PRORP: variants seen among roughly 807,000 people sequenced by gnomAD.
PRORP encodes the protein mitochondrial ribonuclease P catalytic subunit.
Under a neutral mutation model 59.4 loss-of-function variants are expected in PRORP, and 51 were observed. That is an observed-to-expected ratio of 0.86 (90% CI 0.69 to 1.08). PRORP has a LOEUF of 1.08. PRORP is among the 50% of genes least tolerant of loss of function. The pLI is 0.00. For synonymous variants in PRORP, 231 were observed against 245.6 expected, an observed-to-expected ratio of 0.94 and a Z score of 0.55; for missense variants, 646 against 690.3, an observed-to-expected ratio of 0.94 and a Z score of 0.72.
intron 4 of PRORP, 149 bp from the exon 5 acceptor site, chr14:35,180,521 A>AGTGTGT (rs1422498163): frequency 4.5e-5 from 21 of 467,002 alleles, no homozygotes; most frequent in Middle Eastern, 1.1e-3. Flanking sequence ...TCATTTGTAG[A>AGTGTGT]GTATCTGTGT....
intron 4 of PRORP, among the ~76,000 whole-genome samples, chr14:35,154,096 GT>G (rs1445452068): frequency 6.6e-6 from 1 of 152,164 alleles, no homozygotes; most frequent in Non-Finnish European, 1.5e-5. Flanking sequence ...GCTCTGCAAT[GT>G]TAAGGCTTTC....
chr14:35,203,454 G>A (rs1349549390), intron 5 of PRORP, among the ~76,000 whole-genome samples: 1 of 151,978 alleles, frequency 6.6e-6, no homozygotes, highest in Non-Finnish European at 1.5e-5. Flanking sequence ...TTGACCCCAG[G>A]AAGTGGAGGC....
intron 5 of PRORP, among the ~76,000 whole-genome samples, chr14:35,193,424 G>A (rs765672507): frequency 2.6e-5 from 4 of 152,202 alleles, no homozygotes; most frequent in Admixed American, 6.5e-5. Context: ...TTACTACAGT[G>A]AGAGAAAAAT....
chr14:35,245,778 C>T (rs967430390), intron 5 of PRORP, among the ~76,000 whole-genome samples: 3 of 152,134 alleles, frequency 2.0e-5, no homozygotes, highest in Non-Finnish European at 4.4e-5. Flanking sequence ...CTGGGATCTC[C>T]CTTCACCATC....
chr14:35,156,011 G>T (rs28399702), intron 4 of PRORP, among the ~76,000 whole-genome samples: 33,020 of 151,930 alleles, frequency 0.22, 3,841 homozygotes, highest in East Asian at 0.37. Flanking sequence ...TTTTTTTCTG[G>T]GTTAGGGGAG....
chr14:35,258,792 A>G (rs138081854), intron 5 of PRORP, among the ~76,000 whole-genome samples: 12 of 152,312 alleles, frequency 7.9e-5, no homozygotes, highest in South Asian at 6.2e-4. Flanking sequence ...TTGTTGTGCT[A>G]TGTAGTCCAG....
At chr14:35,185,224 T>C (rs2048714893) in intron 5 of PRORP, among the ~76,000 whole-genome samples, 1 of 152,226 alleles carries the variant, frequency 6.6e-6, no homozygotes, top group South Asian at 2.1e-4. Context: ...TTCTGACTGG[T>C]GTGAAATGGT....
chr14:35,196,793 A>T (rs565777225), intron 5 of PRORP, among the ~76,000 whole-genome samples: 1 of 152,200 alleles, frequency 6.6e-6, no homozygotes, highest in South Asian at 2.1e-4. Flanking sequence ...TCCTGCCTTG[A>T]CATGTGTTAA....
chr14:35,182,067 C>T (rs986289593), intron 5 of PRORP, among the ~76,000 whole-genome samples: 3 of 151,314 alleles, frequency 2.0e-5, no homozygotes, highest in African/African-American at 7.3e-5. Flanking sequence ...AGTTCGAGAC[C>T]AGCCTGGCTA....
At position 35,142,854 on chromosome 14, in the gene PRORP, A is replaced by C. The variant is rs2047515009; in HGVS notation, c.1167+15243A>C. ...GAGTGAGACTCTTGTCTCAAAAAAA[A>C]AAAAATTGTAAAGATGGGATCTCAC... On this transcript the variant is annotated intron_variant, in intron 4 of 7. Transcript: ENST00000534898. 1.4e-5 allele frequency among the ~76,000 whole-genome samples: 2 copies of C among 143,950 alleles called. 1 individual carries two copies. Among genetic ancestry groups the C allele is most frequent in the Non-Finnish European group, 3.1e-5 (2 of 64,870 alleles). 94.4% of individuals were successfully genotyped at this position (143,950 alleles called of 152,430 possible).
chr14:35,163,161 C>G (rs1595219025), intron 4 of PRORP, among the ~76,000 whole-genome samples: 1 of 152,124 alleles, frequency 6.6e-6, no homozygotes, highest in East Asian at 1.9e-4. Context: ...CTCCCTGGGG[C>G]AAAATCATGT....
chr14:35,171,905 C>G (rs2048320311), intron 4 of PRORP, among the ~76,000 whole-genome samples: 1 of 152,082 alleles, frequency 6.6e-6, no homozygotes, highest in Non-Finnish European at 1.5e-5. Flanking sequence ...CTGCCATCTC[C>G]AATCTGCTGT....
intron 4 of PRORP, among the ~76,000 whole-genome samples, chr14:35,133,582 G>T (rs767608511): frequency 6.6e-6 from 1 of 152,150 alleles, no homozygotes; most frequent in Non-Finnish European, 1.5e-5. Flanking sequence ...GGGCATTGAA[G>T]AGTTAGGTAT....
chr14:35,239,478 G>A (rs1412833943), intron 5 of PRORP, among the ~76,000 whole-genome samples: 5 of 152,054 alleles, frequency 3.3e-5, no homozygotes, highest in African/African-American at 1.2e-4. Flanking sequence ...TTTCTCCTCA[G>A]CATTTGAATA....
At chr14:35,135,175 G>A (rs1241507342) in intron 4 of PRORP, among the ~76,000 whole-genome samples, 3 of 152,186 alleles carry the variant, frequency 2.0e-5, no homozygotes, top group African/African-American at 7.2e-5. Context: ...GAGAGGAATG[G>A]CAGTGGTGAT....
chr14:35,254,258 C>T (rs2050691212), intron 5 of PRORP, among the ~76,000 whole-genome samples: 1 of 152,120 alleles, frequency 6.6e-6, no homozygotes, highest in African/African-American at 2.4e-5. Flanking sequence ...CTCATTATCT[C>T]TTGCCTGAAT....
chr14:35,208,686 A>G (rs1453383271), intron 5 of PRORP, among the ~76,000 whole-genome samples: 1 of 152,028 alleles, frequency 6.6e-6, no homozygotes, highest in Non-Finnish European at 1.5e-5. Flanking sequence ...CCTGGCCAAC[A>G]TGGTGAAAAC....
intron 6 of PRORP, among the ~76,000 whole-genome samples, chr14:35,269,308 A>T (rs1303655518): frequency 1.3e-5 from 2 of 152,238 alleles, no homozygotes; most frequent in Non-Finnish European, 2.9e-5. Context: ...CCTTATATGG[A>T]AAAATTAGAT....
intron 5 of PRORP, among the ~76,000 whole-genome samples, chr14:35,206,751 C>T (rs898737308): frequency 2.6e-5 from 4 of 152,156 alleles, no homozygotes; most frequent in African/African-American, 9.7e-5. Flanking sequence ...TAATCATCTC[C>T]TTTCTAAGGT....
Sources: gnomAD v4.1 joint callset for allele counts (sites outside exome capture counted in the v4.1 genomes callset) on GRCh38, gnomAD v4.1.1 for gene constraint, MANE v1.5 for transcripts, NCBI Gene and HGNC (gene_info 2026-07-23, HGNC 2026-07-21) for gene names.